Variants in ZNF160 observed in about 807,000 individuals in gnomAD.
ZNF160 encodes zinc finger protein 160, also known as KRAB zinc finger protein KR18.
ZNF160 carries 9 observed loss-of-function variants against 13.1 expected under a neutral mutation model. The ratio of observed to expected loss-of-function variants is 0.69; its 90% CI spans 0.41 to 1.20. The LOEUF (loss-of-function observed/expected upper bound fraction) is 1.20, where lower values mean the gene tolerates loss of function less well. ZNF160 is among the 50% of genes most tolerant of loss of function. ZNF160 has a pLI of 0.01. For synonymous variants in ZNF160, 293 were observed against 333.2 expected, an observed-to-expected ratio of 0.88 and a Z score of 1.31; for missense variants, 838 against 988.0, an observed-to-expected ratio of 0.85 and a Z score of 2.04.
Position 53,082,033 on chromosome 19 carries a change from G to A in ZNF160, c.15+4229C>T, listed in dbSNP as rs867984477. On this transcript the variant is annotated intron_variant, in intron 3 of 5. Coordinates refer to ENST00000683776, the MANE Select transcript of ZNF160 (RefSeq NM_001322131.2). ...ATGCACAAATAGAAGAACAAATACC[G>A]CATGTTCTCACAATGGCAGCTAAAC... 7.9e-5 allele frequency among the ~76,000 whole-genome samples: 12 copies of A among 152,118 alleles called. No individual in the cohort carries two copies. The South Asian group carries it at 2.5e-3, about 32-fold the overall frequency.
chr19:53,096,409 C>A (rs2085236482), intron 1 of ZNF160, among the ~76,000 whole-genome samples: 1 of 151,762 alleles, frequency 6.6e-6, no homozygotes, highest in African/African-American at 2.4e-5. Flanking sequence ...ACTCTGCTTA[C>A]CAACCTGTGG....
rs979427257 is a variant in ZNF160 at position 53,091,578 on chromosome 19, C to G, written c.-211G>C. The G allele has an allele frequency of 6.6e-6, 1 of 152,218 alleles. No individual in the cohort carries two copies. The highest frequency in any genetic ancestry group is 2.4e-5 in the African/African-American group (1 of 41,440). 9.4% of individuals were successfully genotyped at this position (152,218 alleles called of 1,614,324 possible). ...ACTTGGGGAAAGGGGGCGGTGCCTG[C>G]GCTCCCCTCCCTCTCACTCCCAGGA... On this transcript the variant is annotated 5_prime_UTR_variant, in exon 2 of 6. Transcript: ENST00000683776.
chr19:53,095,412 C>G (rs576354922), intron 1 of ZNF160: 1 of 151,938 alleles, frequency 6.6e-6, no homozygotes, highest in African/African-American at 2.4e-5. Flanking sequence ...TCCAACCACA[C>G]TCGGAATCCA....
chr19:53,073,188 G>A, intron 5 of ZNF160: 1 of 1,417,880 alleles, frequency 7.1e-7, no homozygotes, highest in Non-Finnish European at 9.2e-7. Flanking sequence ...TAGTTTTATT[G>A]GTTTAGATTC....
At position 53,068,866 on chromosome 19, in the gene ZNF160, C is replaced by T; in HGVS notation, c.1668G>A (p.Arg556=). The change falls in exon 6 of 6, where the codon CGG becomes CGA. Residue 556 remains arginine (R), a synonymous_variant. Transcript: ENST00000683776. ...FTQKSHLRSH[R]GIHSGEKPYK... is the part of the protein sequence containing the mutation. ...AAGGTTTCTCTCCAGAATGAATTCC[C>T]CGATGACTTCTAAGGTGTGATTTTT... The T allele has an allele frequency of 6.2e-7, 1 of 1,613,946 alleles. No individual in the cohort carries two copies. The highest frequency in any genetic ancestry group is 1.1e-5 in the South Asian group (1 of 91,074).
intron 5 of ZNF160, chr19:53,073,142 A>T (rs1423639766): frequency 8.2e-6 from 11 of 1,335,480 alleles, no homozygotes; most frequent in Middle Eastern, 2.6e-4. Context: ...CCAGTCCCCA[A>T]CCTGTGGTAA....
chr19:53,068,964 G>C lies in ZNF160; in HGVS notation c.1570C>G (p.Leu524Val). The stretch of plus-strand genomic sequence containing the variant: ...GAATGGATTGCCTGATGGGTAGTCA[G>C]ACTTGAACGAACACTGAAGGCTTTC... ...CGKAFSVRSS[L>V]TTHQAIHSGE... Residue 524 changes from leucine to valine, a missense_variant, in exon 6 of 6, where the codon CTG becomes GTG. By Grantham distance (32) the Leu-to-Val change is conservative. Transcript: ENST00000683776. 2 of 1,613,902 alleles carry C rather than the reference G, an allele frequency of 1.2e-6. No individual in the cohort carries two copies. The highest frequency in any genetic ancestry group is 1.7e-6 in the Non-Finnish European group (2 of 1,179,978).
chr19:53,077,220 T>C (rs929843043), intron 3 of ZNF160: 4 of 152,068 alleles, frequency 2.6e-5, no homozygotes, highest in African/African-American at 7.2e-5. Flanking sequence ...TAAGCTACAA[T>C]CAAAAAGTCC....
intron 3 of ZNF160, 160 bp downstream of exon 3, chr19:53,086,102 G>C (rs2084819052): frequency 3.0e-6 from 4 of 1,344,134 alleles, no homozygotes; most frequent in Non-Finnish European, 3.1e-6. Flanking sequence ...GATCACGGGA[G>C]ATGGAATCTA....
intron 2 of ZNF160, among the ~76,000 whole-genome samples, 174 bp from the exon 3 acceptor site, chr19:53,086,495 A>G (rs1333303387): frequency 6.6e-6 from 1 of 152,136 alleles, no homozygotes; most frequent in Admixed American, 6.6e-5. Flanking sequence ...GGGGACGAGA[A>G]ACTCCTACAG....
chr19:53,070,153 T>C lies in ZNF160; in HGVS notation c.381A>G (p.Glu127=), dbSNP rs772115872. 8.1e-6 allele frequency: 13 copies of C among 1,614,056 alleles called. No homozygotes were observed. Among genetic ancestry groups the C allele is most frequent in the Non-Finnish European group, 1.0e-5 (12 of 1,180,052 alleles). ...VLERHESPDI[E]DFSFKEPQKN... ...TCTGGGGTTCCTTGAAGGAAAAGTCTTCAATGTCAGGGCTTTCGTGTCTTT... is the reference window on the plus strand; with the variant it reads ...TCTGGGGTTCCTTGAAGGAAAAGTCCTCAATGTCAGGGCTTTCGTGTCTTT... Residue 127 remains glutamate, a synonymous_variant, in exon 6 of 6, where the codon GAA becomes GAG. Coordinates refer to ENST00000683776, the MANE Select transcript of ZNF160 (RefSeq NM_001322131.2).
chr19:53,092,867 T>C (rs1445647899), intron 1 of ZNF160, among the ~76,000 whole-genome samples: 2 of 152,168 alleles, frequency 1.3e-5, no homozygotes, highest in African/African-American at 4.8e-5. Context: ...AAAGATATGG[T>C]GTCTGGGATA....
At chr19:53,085,072 G>T in intron 3 of ZNF160, 1 of 704,174 alleles carries the variant, frequency 1.4e-6, no homozygotes, top group Non-Finnish European at 1.7e-6. Context: ...TCCCACCTTG[G>T]CTTCCACAAG....
chr19:53,086,344 T>G (rs2084830079), intron 2 of ZNF160, 23 bp from the exon 3 acceptor site: 3 of 1,541,266 alleles, frequency 1.9e-6, no homozygotes, highest in Non-Finnish European at 2.6e-6. Context: ...AAAAGAGTCT[T>G]TAGAAGTCAA....
At chr19:53,081,391 A>G (rs1034213936) in intron 3 of ZNF160, among the ~76,000 whole-genome samples, 3 of 152,176 alleles carry the variant, frequency 2.0e-5, no homozygotes, top group African/African-American at 7.2e-5. Flanking sequence ...TCCAGAATCT[A>G]TAAGAAACAT....
At chr19:53,072,720 G>A (rs935069198) in intron 5 of ZNF160, among the ~76,000 whole-genome samples, 5 of 152,042 alleles carry the variant, frequency 3.3e-5, no homozygotes, top group Admixed American at 6.5e-5. Flanking sequence ...GCATGGTGGC[G>A]CATGCCTGTA....
In ZNF160 at chr19:53,069,251, T is replaced by C; in HGVS notation, c.1283A>G (p.Asn428Ser). 1.2e-6 allele frequency: 2 copies of C among 1,612,216 alleles called. No individual in the cohort carries two copies. The highest frequency in any genetic ancestry group is 2.7e-5 in the African/African-American group (2 of 74,870). Residue 428 changes from asparagine to serine, a missense_variant, in exon 6 of 6, where the codon AAT (asparagine) becomes AGT (serine). This residue lies in a region of ZNF160 where 400 missense variants were observed against 538.9 expected (regional missense o/e 0.74). Transcript: ENST00000683776. This position sits in a 1 kb window ranked among gnomAD's most constrained non-coding sequence, Gnocchi z 4.4. The stretch of plus-strand genomic sequence containing the variant: ...GTACCTAAAGACTTTGCCACATTCA[T>C]TACATTTGTAAGGTTTTTCTCCAGT... Reference protein sequence around the residue: ...IHTGEKPYKCNECGKVFRYNS... With the variant: ...IHTGEKPYKCSECGKVFRYNS...
intron 3 of ZNF160, among the ~76,000 whole-genome samples, chr19:53,077,831 T>C (rs751974345): frequency 6.6e-6 from 1 of 151,906 alleles, no homozygotes; most frequent in Non-Finnish European, 1.5e-5. Context: ...ATTAAGACAG[T>C]ACTCATAAAC....
chr19:53,081,923 G>T (rs2084647422), intron 3 of ZNF160, among the ~76,000 whole-genome samples: 1 of 152,258 alleles, frequency 6.6e-6, no homozygotes, highest in Middle Eastern at 3.4e-3. Context: ...ATACCCTATG[G>T]AATATTATAC....
Sources: gnomAD v4.1 joint callset for allele counts (sites outside exome capture counted in the v4.1 genomes callset) on GRCh38, gnomAD v4.1.1 for gene constraint, gnomAD v4.1.1 regional missense constraint, Gnocchi (gnomAD v3.1) non-coding constraint, MANE v1.5 for transcripts, NCBI Gene and HGNC (gene_info 2026-07-23, HGNC 2026-07-21) for gene names.